The following RNF214 variants were observed in gnomAD, a reference collection of about 807,000 sequenced individuals.
The protein encoded by RNF214 is ring finger protein 214.
A neutral mutation model predicts 75.9 loss-of-function variants in RNF214; 25 were observed. The observed-to-expected ratio is 0.33, with a 90% CI of 0.24 to 0.46. The LOEUF is 0.46. Among genes scored for constraint, RNF214 ranks in the 20% least tolerant of loss-of-function variants. The pLI is 1.00. For missense variants in RNF214, 725 were observed against 857.5 expected, an observed-to-expected ratio of 0.85 and a Z score of 1.93; for synonymous variants, 314 against 308.8, an observed-to-expected ratio of 1.02 and a Z score of -0.18.
At chr11:117,267,899 A>T (rs779395325) in intron 6 of RNF214, among the ~76,000 whole-genome samples, 10 of 152,242 alleles carry the variant, frequency 6.6e-5, no homozygotes, top group Non-Finnish European at 1.2e-4. Flanking sequence ...CTTGCATCCC[A>T]GAAAACCTCT....
At position 117,239,001 on chromosome 11, in the gene RNF214, G is replaced by T; in HGVS notation, c.508G>T (p.Asp170Tyr). The T allele has an allele frequency of 3.1e-6, 5 of 1,614,184 alleles. No individual in the cohort carries two copies. Among genetic ancestry groups the T allele is most frequent in the Non-Finnish European group, 3.4e-6 (4 of 1,180,038 alleles). ...LKEGNRDTSL[D>Y]FRPVVSPANG... ...GGAAGGTAACAGGGACACAAGCTTG[G>T]ATTTCCGACCTGTAGTGTCTCCAGC... Residue 170 changes from aspartate (D) to tyrosine (Y), a missense_variant, in exon 3 of 15, where the codon GAT becomes TAT. Around this residue, in one of 2 missense-constraint regions of RNF214, gnomAD observed 362 missense variants for 344.5 expected, o/e 1.05. Coordinates refer to ENST00000300650, the MANE Select transcript of RNF214 (RefSeq NM_207343.4).
chr11:117,244,555 A>G lies in RNF214; in HGVS notation c.789A>G (p.Gln263=), dbSNP rs1400550676. The change falls in exon 5 of 15, where the codon CAA becomes CAG. Residue 263 remains glutamine (Q), a synonymous_variant. Coordinates refer to ENST00000300650, the MANE Select transcript of RNF214 (RefSeq NM_207343.4). ...QLQVQLKQLQ[Q]RREEEMKNHQ... ...AAGTGCAATTAAAGCAGCTTCAGCA[A>G]AGGAGAGAAGAGGAAATGAAGAATC... 2.5e-6 allele frequency: 4 copies of G among 1,611,656 alleles called. No individual in the cohort carries two copies. In the Admixed American group the frequency reaches 6.7e-5, roughly 27 times the overall value.
At chr11:117,235,631 C>G (rs1318371589) in intron 2 of RNF214, among the ~76,000 whole-genome samples, 7 of 151,978 alleles carry the variant, frequency 4.6e-5, no homozygotes, top group Non-Finnish European at 8.8e-5. Context: ...CTCAGCCTCC[C>G]AAGTAGCTAG....
In RNF214 at chr11:117,285,990, A is replaced by T. The variant is rs2034250355; in HGVS notation, c.*839A>T. The T allele has an allele frequency of 6.6e-6, 1 of 152,316 alleles. No homozygotes were observed. The highest frequency in any genetic ancestry group is 1.5e-5 in the Non-Finnish European group (1 of 67,992). 9.4% of individuals were successfully genotyped at this position (152,316 alleles called of 1,614,324 possible). A position where few individuals can be genotyped will look rare whatever the true frequency, so the allele number is the denominator to read the frequency against. On this transcript the variant is annotated 3_prime_UTR_variant, in exon 15 of 15. Coordinates refer to ENST00000300650, the MANE Select transcript of RNF214 (RefSeq NM_207343.4). Reference sequence around the variant, plus strand: ...GTGAAGTCCTCACCCTTTCCCATTCACTTCTGGTCTCCTAGTCTAGCTAAT... The same window carrying T: ...GTGAAGTCCTCACCCTTTCCCATTCTCTTCTGGTCTCCTAGTCTAGCTAAT...
rs1266056818 is a variant in RNF214, at chr11:117,285,155, A to T, written c.*4A>T. The T allele has an allele frequency of 6.2e-7, 1 of 1,604,038 alleles. No homozygotes were observed. Among genetic ancestry groups the T allele is most frequent in the Non-Finnish European group, 8.5e-7 (1 of 1,170,824 alleles). ...CTTTTGTCCAACTCTTAAATGACGG[A>T]CCTGACTGGGGAGGAAGAAGAAGAG... is the stretch of plus-strand genomic sequence containing the variant. On this transcript the variant is annotated 3_prime_UTR_variant, in exon 15 of 15. Coordinates refer to ENST00000300650, the MANE Select transcript of RNF214 (RefSeq NM_207343.4).
intron 4 of RNF214, 111 bp downstream of exon 4, chr11:117,239,971 CA>C: frequency 1.6e-6 from 1 of 636,696 alleles, no homozygotes; most frequent in Non-Finnish European, 2.8e-6. Context: ...AAATTCCTGA[CA>C]GATGGTCAGG....
chr11:117,240,945 G>A (rs925362164), intron 4 of RNF214, among the ~76,000 whole-genome samples: 2 of 152,042 alleles, frequency 1.3e-5, no homozygotes, highest in African/African-American at 4.8e-5. Context: ...TTGGGAGGCT[G>A]AGGCAGGCAG....
In RNF214 at chr11:117,278,076, G is replaced by A. The variant is rs1015588726; in HGVS notation, c.960-1832G>A. On this transcript the variant is annotated intron_variant, in intron 6 of 14. Coordinates refer to ENST00000300650, the MANE Select transcript of RNF214 (RefSeq NM_207343.4). The stretch of plus-strand genomic sequence containing the variant: ...TCCCAGCACTTTGGGAGGCCGAGGC[G>A]GGTGGATCACGAGGTCAGGAGATCG... 7.9e-5 allele frequency among the ~76,000 whole-genome samples: 12 copies of A among 152,004 alleles called. 1 individual carries two copies. The South Asian group carries it at 1.7e-3, about 21-fold the overall frequency.
chr11:117,258,532 A>G (rs1242662562), intron 6 of RNF214, among the ~76,000 whole-genome samples: 1 of 152,118 alleles, frequency 6.6e-6, no homozygotes, highest in African/African-American at 2.4e-5. Flanking sequence ...TTAGAGTTTA[A>G]TATTATTTAT....
chr11:117,261,811 A>G (rs2033669426), intron 6 of RNF214, among the ~76,000 whole-genome samples: 1 of 151,056 alleles, frequency 6.6e-6, no homozygotes, highest in Admixed American at 6.6e-5. Flanking sequence ...ATGCCCAGCT[A>G]ATTTTTGTAT....
Position 117,244,592 on chromosome 11 carries a change from T to C in RNF214, c.819+7T>C, listed in dbSNP as rs1420569304. ...GGAAATGAAGAATCACCAGGTATTT[T>C]GCTTATATTGAAATTGTCAATGAGT... On this transcript the variant is annotated splice_region_variant and intron_variant, in intron 5 of 14. Transcript: ENST00000300650. 1.7e-5 allele frequency: 27 copies of C among 1,593,098 alleles called. No homozygotes were observed. The highest frequency in any genetic ancestry group is 2.2e-5 in the Non-Finnish European group (26 of 1,171,452).
intron 6 of RNF214, among the ~76,000 whole-genome samples, chr11:117,261,209 T>TA (rs2033654549): frequency 6.6e-6 from 1 of 152,194 alleles, no homozygotes; most frequent in Non-Finnish European, 1.5e-5. Flanking sequence ...TAGAAGAAGT[T>TA]ACATTCTATT....
intron 6 of RNF214, among the ~76,000 whole-genome samples, chr11:117,274,445 C>T (rs750987091): frequency 6.9e-6 from 1 of 145,074 alleles, no homozygotes; most frequent in Non-Finnish European, 1.5e-5. Context: ...TCACTGTAAC[C>T]TCCGCCTCCT....
intron 6 of RNF214, 134 bp downstream of exon 6, chr11:117,247,082 C>A: frequency 1.5e-6 from 1 of 674,304 alleles, no homozygotes. Flanking sequence ...AAAAACTCTC[C>A]AATGACTTTA....
Position 117,280,240 on chromosome 11 carries a change from T to G in RNF214, c.1126T>G (p.Leu376Val). The G allele has an allele frequency of 1.2e-6, 2 of 1,610,356 alleles. No homozygotes were observed. Among genetic ancestry groups the G allele is most frequent in the Non-Finnish European group, 1.7e-6 (2 of 1,176,568 alleles). The stretch of plus-strand genomic sequence containing the variant: ...AGAAGAAGCAGAAAAAGAGGCAGAA[T>G]TGCACCTTACTTACCTCAAGTAAGT... ...KLEEAEKEAELHLTYLKSTPP... is the reference protein window; with the variant it reads ...KLEEAEKEAEVHLTYLKSTPP... The change falls in exon 8 of 15, where the codon TTG becomes GTG. Residue 376 changes from leucine (L) to valine (V), a missense_variant. Physicochemically the swap from Leu to Val is conservative, Grantham distance 32 (BLOSUM62 1). Coordinates refer to ENST00000300650, the MANE Select transcript of RNF214 (RefSeq NM_207343.4).
intron 6 of RNF214, among the ~76,000 whole-genome samples, chr11:117,251,390 C>T (rs866790118): frequency 7.1e-6 from 1 of 141,382 alleles, no homozygotes; most frequent in African/African-American, 2.6e-5. Context: ...CTGACCCCCC[C>T]ACCTCCCTCC....
chr11:117,254,593 GAGTCAAGTC>G (rs1465877121), intron 6 of RNF214, among the ~76,000 whole-genome samples: 2 of 151,184 alleles, frequency 1.3e-5, no homozygotes, highest in Non-Finnish European at 2.9e-5. Flanking sequence ...CTCCAGTCCT[GAGTCAAGTC>G]AGCCACCTGA....
intron 6 of RNF214, among the ~76,000 whole-genome samples, chr11:117,248,147 C>T (rs1343700234): frequency 1.3e-5 from 2 of 152,128 alleles, no homozygotes; most frequent in Admixed American, 6.5e-5. Context: ...ACGATCTCAG[C>T]TCACTGCAAG....
At chr11:117,251,458 GCGGC>G in intron 6 of RNF214, among the ~76,000 whole-genome samples, 1 of 133,090 alleles carries the variant, frequency 7.5e-6, no homozygotes, top group African/African-American at 3.1e-5. Context: ...CCCGGACGGG[GCGGC>G]TGGCCGGGCG....
Sources: allele counts gnomAD v4.1 joint callset (sites outside exome capture counted in the v4.1 genomes callset), GRCh38; gene constraint gnomAD v4.1.1; regional missense constraint gnomAD v4.1.1; transcripts MANE v1.5; gene names NCBI Gene and HGNC (gene_info 2026-07-23, HGNC 2026-07-21).